DTNBP1: variants seen among roughly 807,000 people sequenced by gnomAD.
The protein encoded by DTNBP1 is dystrobrevin binding protein 1, also known as dysbindin.
Under a neutral mutation model 42.8 loss-of-function variants are expected in DTNBP1, and 35 were observed. The ratio of observed to expected loss-of-function variants is 0.82; its 90% CI spans 0.63 to 1.09. The LOEUF (loss-of-function observed/expected upper bound fraction) is 1.09. Ranked by LOEUF, DTNBP1 falls within the 50% of genes least tolerant of loss-of-function variation. The probability of loss-of-function intolerance (pLI) is 0.00; values close to 1 mark genes in which losing one functional copy is unlikely to be tolerated. For missense variants in DTNBP1, 457 were observed against 424.2 expected, an observed-to-expected ratio of 1.08 and a Z score of -0.68; for synonymous variants, 171 against 162.2, an observed-to-expected ratio of 1.05 and a Z score of -0.41.
chr6:15,524,999 G>T (rs988682996), intron 8 of DTNBP1, among the ~76,000 whole-genome samples: 2 of 152,232 alleles, frequency 1.3e-5, no homozygotes, highest in Non-Finnish European at 2.9e-5. Flanking sequence ...CATTCCTGCA[G>T]CAACAGTTAG....
At chr6:15,577,193 T>C (rs1358281741) in intron 7 of DTNBP1, among the ~76,000 whole-genome samples, 1 of 152,078 alleles carries the variant, frequency 6.6e-6, no homozygotes, top group Non-Finnish European at 1.5e-5. Context: ...GGGAGCAAAA[T>C]GGCTGAGAGC....
intron 7 of DTNBP1, among the ~76,000 whole-genome samples, chr6:15,570,031 G>A (rs1775274526): frequency 6.6e-6 from 1 of 151,990 alleles, no homozygotes; most frequent in South Asian, 2.1e-4. Context: ...ATACCTGTGT[G>A]TACATACATC....
chr6:15,574,369 G>A (rs1291226363), intron 7 of DTNBP1, among the ~76,000 whole-genome samples: 1 of 152,212 alleles, frequency 6.6e-6, no homozygotes, highest in Non-Finnish European at 1.5e-5. Context: ...CCGGATTTCA[G>A]TATATGCAGG....
chr6:15,647,055 A>G (rs1717433195), intron 3 of DTNBP1, among the ~76,000 whole-genome samples: 1 of 151,960 alleles, frequency 6.6e-6, no homozygotes, highest in African/African-American at 2.4e-5. Context: ...AAACAACACA[A>G]TAAACAGACA....
At chr6:15,663,043 T>G, upstream of DTNBP1, 2 of 812,412 alleles carry the variant, frequency 2.5e-6, no homozygotes, top group Non-Finnish European at 1.7e-6. Flanking sequence ...CCTTCCGCGT[T>G]CCCGCCCCGC....
chr6:15,661,723 A>G (rs1448804147), intron 1 of DTNBP1, among the ~76,000 whole-genome samples: 1 of 152,242 alleles, frequency 6.6e-6, no homozygotes, highest in Non-Finnish European at 1.5e-5. Context: ...ATCCTCCAAC[A>G]GGATTTGTAA....
chr6:15,604,814 T>A (rs1161029514), intron 6 of DTNBP1, among the ~76,000 whole-genome samples: 1 of 152,106 alleles, frequency 6.6e-6, no homozygotes, highest in Non-Finnish European at 1.5e-5. Context: ...ATAGTAGATA[T>A]ATAAACATAA....
chr6:15,530,140 C>T (rs1772714346), intron 8 of DTNBP1, among the ~76,000 whole-genome samples: 1 of 152,260 alleles, frequency 6.6e-6, no homozygotes, highest in African/African-American at 2.4e-5. Context: ...GTCCAAAACA[C>T]CATGTTCGCT....
At position 15,533,414 on chromosome 6, in the gene DTNBP1, T is replaced by C; in HGVS notation, c.512-19A>G. The C allele has an allele frequency of 6.2e-7, 1 of 1,614,170 alleles. No homozygotes were observed. The highest frequency in any genetic ancestry group is 8.5e-7 in the Non-Finnish European group (1 of 1,180,020). On this transcript the variant is annotated intron_variant, in intron 7 of 9. Coordinates refer to ENST00000344537, the MANE Select transcript of DTNBP1 (RefSeq NM_032122.5). The stretch of plus-strand genomic sequence containing the variant: ...AGTTCAGCTGAGGAAACAGAATAAC[T>C]GGGGTTAGGGTTTGAAAAGGGACTG...
At chr6:15,620,835 G>A (rs1245930694) in intron 5 of DTNBP1, among the ~76,000 whole-genome samples, 2 of 152,228 alleles carry the variant, frequency 1.3e-5, no homozygotes, top group African/African-American at 4.8e-5. Context: ...TGCCAGATGA[G>A]ATGCAATGTG....
intron 4 of DTNBP1, among the ~76,000 whole-genome samples, chr6:15,631,572 CTGCAGA>C (rs2113752168): frequency 6.6e-6 from 1 of 152,332 alleles, no homozygotes. Flanking sequence ...ACACTTTTCC[CTGCAGA>C]TGGACTTCGG....
At chr6:15,662,003 C>G (rs1370203484) in intron 1 of DTNBP1, among the ~76,000 whole-genome samples, 2 of 152,174 alleles carry the variant, frequency 1.3e-5, no homozygotes, top group Non-Finnish European at 2.9e-5. Context: ...GCCAGAGTCT[C>G]GGCCTGTGGT....
intron 7 of DTNBP1, among the ~76,000 whole-genome samples, chr6:15,582,452 A>T (rs1775882301): frequency 6.6e-6 from 1 of 152,238 alleles, no homozygotes; most frequent in Non-Finnish European, 1.5e-5. Context: ...ACACATGTAC[A>T]TGCCTAATAA....
At chr6:15,524,941 G>C (rs1772266008) in intron 8 of DTNBP1, among the ~76,000 whole-genome samples, 1 of 152,216 alleles carries the variant, frequency 6.6e-6, no homozygotes, top group East Asian at 1.9e-4. Flanking sequence ...CATTAAGTGA[G>C]TCCCGGCTGT....
chr6:15,566,089 C>T lies in DTNBP1; in HGVS notation c.511+26970G>A, dbSNP rs145316117. Among the ~76,000 whole-genome samples, 1,155 of 152,048 alleles carry T rather than the reference C, an allele frequency of 7.6e-3. 22 individuals are homozygous for T. Among genetic ancestry groups the T allele is most frequent in the African/African-American group, 0.026 (1,063 of 41,474 alleles). ...CAGCACTTTGGGAGGCCGAGGCGGG[C>T]GGATCACGAGGTCAAGAGATCGAGA... On this transcript the variant is annotated intron_variant, in intron 7 of 9. Transcript: ENST00000344537.
intron 5 of DTNBP1, among the ~76,000 whole-genome samples, chr6:15,618,614 C>T (rs1758855051): frequency 6.6e-6 from 1 of 151,578 alleles, no homozygotes; most frequent in Non-Finnish European, 1.5e-5. Flanking sequence ...AGTTCTCATA[C>T]GCTGTTGTCG....
chr6:15,599,407 G>A (rs1028705435), intron 6 of DTNBP1, among the ~76,000 whole-genome samples: 1 of 152,122 alleles, frequency 6.6e-6, no homozygotes, highest in African/African-American at 2.4e-5. Flanking sequence ...ACAGAACTGG[G>A]AATAAAACCC....
At chr6:15,627,540 C>G in intron 4 of DTNBP1, 65 bp from the exon 5 acceptor site, 1 of 1,602,554 alleles carries the variant, frequency 6.2e-7, no homozygotes, top group East Asian at 2.2e-5. Context: ...GTACAGTTAA[C>G]GTAATGAGAT....
intron 7 of DTNBP1, among the ~76,000 whole-genome samples, chr6:15,572,372 T>C (rs1250348782): frequency 1.3e-5 from 2 of 152,146 alleles, no homozygotes; most frequent in African/African-American, 2.4e-5. Flanking sequence ...CCCCACCATA[T>C]GTATTTTGCA....
Sources: allele counts gnomAD v4.1 joint callset (sites outside exome capture counted in the v4.1 genomes callset), GRCh38; gene constraint gnomAD v4.1.1; transcripts MANE v1.5; gene names NCBI Gene and HGNC (gene_info 2026-07-23, HGNC 2026-07-21).